The following LRP1B variants were observed in gnomAD, a reference collection of about 807,000 sequenced individuals.
LRP1B encodes LDL receptor related protein 1B.
A neutral mutation model predicts 556.6 loss-of-function variants in LRP1B; 217 were observed. That is an observed-to-expected ratio of 0.39 (90% confidence interval 0.35 to 0.44). The LOEUF (loss-of-function observed/expected upper bound fraction) is 0.44, where lower values mean the gene tolerates loss of function less well. LRP1B is among the 20% of genes least tolerant of loss of function. The probability of loss-of-function intolerance (pLI) is 1.00; values close to 1 mark genes in which losing one functional copy is unlikely to be tolerated. For synonymous variants in LRP1B, 2,047 were observed against 1,865.8 expected, an observed-to-expected ratio of 1.10 and a Z score of -2.50; for missense variants, 5,053 against 5,620.8, an observed-to-expected ratio of 0.90 and a Z score of 3.23.
rs148954577 is a variant in LRP1B, at chr2:141,296,979, T to C, written c.344-42338A>G. On this transcript the variant is annotated intron_variant, in intron 3 of 90. Transcript: ENST00000389484. ...AATATTTGATTTTACGTTCCAGCAT[T>C]AATTTCCTTAGAATAATGGACTCCA... Among the ~76,000 whole-genome samples, 295 of 152,338 alleles carry C rather than the reference T, an allele frequency of 1.9e-3. 1 individual carries two copies. The highest frequency in any genetic ancestry group is 6.9e-3 in the African/African-American group (285 of 41,578).
At chr2:141,130,395 A>C (rs1273933641) in intron 7 of LRP1B, among the ~76,000 whole-genome samples, 1 of 152,166 alleles carries the variant, frequency 6.6e-6, no homozygotes, top group Non-Finnish European at 1.5e-5. Flanking sequence ...TTATTTAGTA[A>C]ATCCATAAAG....
chr2:141,048,593 T>C (rs565016968), intron 11 of LRP1B, among the ~76,000 whole-genome samples: 1 of 152,116 alleles, frequency 6.6e-6, no homozygotes, highest in Non-Finnish European at 1.5e-5. Context: ...ATATTTTTCA[T>C]GCATTTTGAG....
rs1451084292 is a variant in LRP1B at position 140,231,559 on chromosome 2, C to T, written c.*1627G>A. The T allele has an allele frequency of 6.6e-6, 1 of 151,558 alleles. No homozygotes were observed. The highest frequency in any genetic ancestry group is 1.5e-5 in the Non-Finnish European group (1 of 67,522). The allele number at this position is 151,558 out of a possible 1,614,324, so 9.4% of individuals were successfully genotyped here. On this transcript the variant is annotated 3_prime_UTR_variant, in exon 91 of 91. Coordinates refer to ENST00000389484, the MANE Select transcript of LRP1B (RefSeq NM_018557.3). Reference sequence around the variant, plus strand: ...AATACTGTTCAATTTAAAAAATGTACTTAAACAAGAACCTGAAAAAGTTTA... The same window carrying T: ...AATACTGTTCAATTTAAAAAATGTATTTAAACAAGAACCTGAAAAAGTTTA...
rs1440832545 is a variant in LRP1B, at chr2:140,373,573, G to A, written c.10639-436C>T. Among the ~76,000 whole-genome samples, 4 of 151,994 alleles carry A rather than the reference G, an allele frequency of 2.6e-5. No homozygotes were observed. The East Asian group carries it at 7.7e-4, about 29-fold the overall frequency. On this transcript the variant is annotated intron_variant, in intron 68 of 90. Coordinates refer to ENST00000389484, the MANE Select transcript of LRP1B (RefSeq NM_018557.3). ...TTCAGTAGATAGTTATAGGGTAATG[G>A]AATTTTAATAATTTTAGGTAATAAT...
chr2:140,953,898 C>T (rs922197076), intron 18 of LRP1B, among the ~76,000 whole-genome samples: 64 of 152,164 alleles, frequency 4.2e-4, no homozygotes, highest in African/African-American at 1.5e-3. Flanking sequence ...TTGTACTACA[C>T]TCTATTACCA....
At chr2:141,279,289 G>T (rs1432909728) in intron 3 of LRP1B, among the ~76,000 whole-genome samples, 1 of 151,984 alleles carries the variant, frequency 6.6e-6, no homozygotes, top group Non-Finnish European at 1.5e-5. Flanking sequence ...AAGGAATCAA[G>T]GCATATACTC....
intron 27 of LRP1B, among the ~76,000 whole-genome samples, chr2:140,852,394 A>G (rs1453367983): frequency 6.6e-6 from 1 of 152,226 alleles, no homozygotes; most frequent in Non-Finnish European, 1.5e-5. Context: ...AACCAGGAAT[A>G]ATTAGTGAAT....
At chr2:141,107,532 G>A (rs1158206946) in intron 7 of LRP1B, among the ~76,000 whole-genome samples, 2 of 152,098 alleles carry the variant, frequency 1.3e-5, no homozygotes, top group Admixed American at 1.3e-4. Context: ...TGTAGTCCCA[G>A]CTACTTGGGA....
At chr2:140,820,036 G>T (rs940716599) in intron 31 of LRP1B, among the ~76,000 whole-genome samples, 34 of 152,140 alleles carry the variant, frequency 2.2e-4, no homozygotes, top group African/African-American at 8.0e-4. Context: ...GTCTCGCTCT[G>T]TCGCCCAGGC....
intron 86 of LRP1B, among the ~76,000 whole-genome samples, chr2:140,250,190 C>T (rs1681346005): frequency 6.6e-6 from 1 of 151,812 alleles, no homozygotes; most frequent in Admixed American, 6.6e-5. Context: ...AGCTCTGTAT[C>T]ATTCATGTTA....
chr2:141,012,143 G>A (rs761738671), intron 14 of LRP1B, among the ~76,000 whole-genome samples: 8 of 151,902 alleles, frequency 5.3e-5, no homozygotes, highest in Non-Finnish European at 1.2e-4. Context: ...TAAGCCCGGG[G>A]CATTTTTCAC....
intron 3 of LRP1B, among the ~76,000 whole-genome samples, chr2:141,371,341 T>A (rs143445119): frequency 3.2e-3 from 484 of 152,264 alleles, no homozygotes; most frequent in Non-Finnish European, 4.4e-3. Flanking sequence ...TTGATTAGGG[T>A]TGTTTGGCTA....
chr2:141,343,942 C>T (rs79219461), intron 3 of LRP1B, among the ~76,000 whole-genome samples: 1 of 152,252 alleles, frequency 6.6e-6, no homozygotes, highest in East Asian at 1.9e-4. Context: ...CTCTCTTTGG[C>T]TCAGGAAGAC....
intron 41 of LRP1B, among the ~76,000 whole-genome samples, chr2:140,605,257 A>G (rs1370174683): frequency 6.6e-6 from 1 of 152,124 alleles, no homozygotes; most frequent in African/African-American, 2.4e-5. Context: ...AGTTATTTTG[A>G]CACACAGAAG....
At chr2:140,849,198 T>TAGAA (rs1352302960) in intron 29 of LRP1B, among the ~76,000 whole-genome samples, 3 of 16,918 alleles carry the variant, frequency 1.8e-4, no homozygotes, top group African/African-American at 4.2e-4. Flanking sequence ...CTACTAAAAA[T>TAGAA]ACAAAAAAAA....
chr2:140,363,221 A>C (rs1682600838), intron 72 of LRP1B, among the ~76,000 whole-genome samples: 2 of 151,618 alleles, frequency 1.3e-5, no homozygotes, highest in Non-Finnish European at 3.0e-5. Context: ...CCTAATTAGC[A>C]CAATTTCTGG....
In LRP1B at chr2:140,370,254, CAACCTAT is replaced by C. The variant is rs1268528726; in HGVS notation, c.11008+449_11008+455del. On this transcript the variant is annotated intron_variant, in intron 71 of 90. Transcript: ENST00000389484. ...TAAGGAAATTTAGGGATTTGGGGCA[CAACCTAT>C]AACCTATATATCATACAGCATATGA... is the stretch of plus-strand genomic sequence containing the variant. Among the ~76,000 whole-genome samples, 3 of 151,894 alleles carry C rather than the reference CAACCTAT, an allele frequency of 2.0e-5. No individual in the cohort carries two copies. The Admixed American group carries it at 2.0e-4, about 10-fold the overall frequency.
In LRP1B at chr2:140,970,024, C is replaced by T. The variant is rs148669674; in HGVS notation, c.2887+12136G>A. 2.8e-3 allele frequency among the ~76,000 whole-genome samples: 431 copies of T among 152,158 alleles called. 4 individuals carry two copies. Among genetic ancestry groups the T allele is most frequent in the African/African-American group, 9.8e-3 (405 of 41,512 alleles). ...TCTTGGAGTTGCTCTTCTCAAGGACCATCTTTGGGGCATTCTCTGTATTTC... is the reference window on the plus strand; with the variant it reads ...TCTTGGAGTTGCTCTTCTCAAGGACTATCTTTGGGGCATTCTCTGTATTTC... On this transcript the variant is annotated intron_variant, in intron 18 of 90. Coordinates refer to ENST00000389484, the MANE Select transcript of LRP1B (RefSeq NM_018557.3).
intron 15 of LRP1B, among the ~76,000 whole-genome samples, chr2:141,003,046 T>C (rs982827051): frequency 6.6e-6 from 1 of 151,902 alleles, no homozygotes; most frequent in East Asian, 1.9e-4. Context: ...GAGGGTATTA[T>C]TCCAAATACC....
Sources: gnomAD v4.1 joint callset for allele counts (sites outside exome capture counted in the v4.1 genomes callset) on GRCh38, gnomAD v4.1.1 for gene constraint, MANE v1.5 for transcripts, NCBI Gene and HGNC (gene_info 2026-07-23, HGNC 2026-07-21) for gene names.